EPB41L2: variants seen among roughly 807,000 people sequenced by gnomAD.
EPB41L2 encodes band 4.1-like protein 2.
Under a neutral mutation model 113.0 loss-of-function variants are expected in EPB41L2, and 43 were observed. That is an observed-to-expected ratio of 0.38 (90% CI 0.30 to 0.49). The LOEUF (loss-of-function observed/expected upper bound fraction) is 0.49. Among genes scored for constraint, EPB41L2 ranks in the 20% least tolerant of loss-of-function variants. The pLI is 0.95. For synonymous variants in EPB41L2, 442 were observed against 436.7 expected, an observed-to-expected ratio of 1.01 and a Z score of -0.15; for missense variants, 1,147 against 1,223.4, an observed-to-expected ratio of 0.94 and a Z score of 0.93.
chr6:130,902,566 C>A (rs766517662), intron 6 of EPB41L2, among the ~76,000 whole-genome samples: 13 of 152,102 alleles, frequency 8.5e-5, no homozygotes, highest in Non-Finnish European at 1.3e-4. Context: ...TTTCCTTGAC[C>A]CGTAGAAAAA....
At chr6:130,902,803 T>C (rs1277310922) in intron 6 of EPB41L2, among the ~76,000 whole-genome samples, 8 of 152,184 alleles carry the variant, frequency 5.3e-5, no homozygotes, top group Non-Finnish European at 1.0e-4. Flanking sequence ...TCCTAAAAAC[T>C]TCAAACAAAA....
rs74825705 is a variant in EPB41L2, at chr6:130,869,439, G to A, written c.2607+124C>T. The A allele has an allele frequency of 6.9e-4, 634 of 915,144 alleles. 12 individuals are homozygous for A. The East Asian group carries it at 0.017, about 24-fold the overall frequency. 56.7% of individuals were successfully genotyped at this position (915,144 alleles called of 1,614,324 possible). A position where few individuals can be genotyped will look rare whatever the true frequency, so the allele number is the denominator to read the frequency against. On this transcript the variant is annotated intron_variant, in intron 15 of 19. Transcript: ENST00000337057. ...CAGTGCTTCCCCCTTCCTCCCATGA[G>A]AGAGAAAAATCAGATTCTTGTTGAA...
intron 3 of EPB41L2, among the ~76,000 whole-genome samples, chr6:130,938,617 G>C (rs1809721537): frequency 6.6e-6 from 1 of 152,140 alleles, no homozygotes; most frequent in Non-Finnish European, 1.5e-5. Flanking sequence ...ACTACTGGTA[G>C]TGTGCCCACC....
At chr6:130,864,485 C>T (rs957687201) in intron 17 of EPB41L2, among the ~76,000 whole-genome samples, 3 of 152,188 alleles carry the variant, frequency 2.0e-5, no homozygotes, top group Non-Finnish European at 4.4e-5. Flanking sequence ...GGAACTGCCT[C>T]ACAGCGTTAT....
intron 1 of EPB41L2, among the ~76,000 whole-genome samples, chr6:131,019,210 A>G (rs1788917006): frequency 1.3e-5 from 2 of 152,174 alleles, no homozygotes; most frequent in Admixed American, 6.6e-5. Context: ...ATTTATCCAT[A>G]AAGATTTTAC....
intron 14 of EPB41L2, among the ~76,000 whole-genome samples, chr6:130,877,621 TA>T (rs1176126016): frequency 6.6e-6 from 1 of 152,194 alleles, no homozygotes; most frequent in Non-Finnish European, 1.5e-5. Flanking sequence ...ATATTATATA[TA>T]ATATTTTTCA....
chr6:130,996,832 T>G (rs570447316), intron 1 of EPB41L2, among the ~76,000 whole-genome samples: 2 of 152,318 alleles, frequency 1.3e-5, no homozygotes, highest in African/African-American at 4.8e-5. Context: ...TTTGCTTTAT[T>G]TGCATTTTTC....
At chr6:130,862,401 T>C (rs2128432190) in intron 18 of EPB41L2, among the ~76,000 whole-genome samples, 1 of 152,294 alleles carries the variant, frequency 6.6e-6, no homozygotes, top group East Asian at 1.9e-4. Context: ...AGGAATTCAA[T>C]GAGTGCTTAT....
chr6:130,907,384 A>G (rs887661480), intron 5 of EPB41L2, among the ~76,000 whole-genome samples: 1 of 152,208 alleles, frequency 6.6e-6, no homozygotes, highest in African/African-American at 2.4e-5. Flanking sequence ...TCCCTTTTCC[A>G]TCATGAAGCA....
chr6:130,939,496 G>A (rs188020750), intron 3 of EPB41L2, among the ~76,000 whole-genome samples: 2 of 151,988 alleles, frequency 1.3e-5, no homozygotes, highest in East Asian at 1.9e-4. Flanking sequence ...CTCGTGATCC[G>A]CCCACCTCGG....
chr6:130,869,973 C>A lies in EPB41L2; in HGVS notation c.2197G>T (p.Asp733Tyr). The change falls in exon 15 of 20, where the codon GAC (aspartate) becomes TAC (tyrosine). Residue 733 changes from aspartate (D) to tyrosine (Y), a missense_variant. By Grantham distance (160) the Asp-to-Tyr change is radical (BLOSUM62 -3). Transcript: ENST00000337057. Reference sequence around the variant, plus strand: ...CTCTCAGAAGACAGGGAGGTGGAGTCTTTTTGTGTCACAGGCTCCACCTTA... The same window carrying A: ...CTCTCAGAAGACAGGGAGGTGGAGTATTTTTGTGTCACAGGCTCCACCTTA... ...IRKVEPVTQK[D>Y]STSLSSESSS... 6.2e-7 allele frequency: 1 copy of A among 1,613,774 alleles called. No individual in the cohort carries two copies. The highest frequency in any genetic ancestry group is 1.1e-5 in the South Asian group (1 of 91,054).
chr6:130,867,790 G>A (rs1784279414), intron 15 of EPB41L2: 1 of 541,370 alleles, frequency 1.8e-6, no homozygotes, highest in Non-Finnish European at 3.3e-6. Flanking sequence ...ACATACATGT[G>A]CACATAGATA....
At chr6:131,043,375 T>C (rs1055758929) in intron 1 of EPB41L2, among the ~76,000 whole-genome samples, 1 of 152,062 alleles carries the variant, frequency 6.6e-6, no homozygotes, top group African/African-American at 2.4e-5. Context: ...ACTCTTTGAG[T>C]GGTTTTAAGA....
At chr6:130,935,477 G>A (rs1348011261) in intron 3 of EPB41L2, among the ~76,000 whole-genome samples, 1 of 152,054 alleles carries the variant, frequency 6.6e-6, no homozygotes, top group African/African-American at 2.4e-5. Flanking sequence ...AATCTCATAA[G>A]CAACTCGGTA....
chr6:131,000,047 A>G (rs1784027314), intron 1 of EPB41L2, among the ~76,000 whole-genome samples: 1 of 152,188 alleles, frequency 6.6e-6, no homozygotes, highest in African/African-American at 2.4e-5. Context: ...ACTTTTGCCA[A>G]ATATACTTTC....
At chr6:131,061,304 T>C (rs1798608746) in intron 1 of EPB41L2, among the ~76,000 whole-genome samples, 1 of 152,180 alleles carries the variant, frequency 6.6e-6, no homozygotes, top group Non-Finnish European at 1.5e-5. Flanking sequence ...AGGATTAAAT[T>C]AGCGCTAAAT....
intron 1 of EPB41L2, among the ~76,000 whole-genome samples, chr6:131,033,621 T>C (rs1035244959): frequency 1.3e-5 from 2 of 152,358 alleles, no homozygotes; most frequent in African/African-American, 4.8e-5. Context: ...AATAAAATTC[T>C]GACACATGCT....
chr6:130,961,262 A>G (rs541895021), intron 1 of EPB41L2, among the ~76,000 whole-genome samples: 1 of 152,334 alleles, frequency 6.6e-6, no homozygotes, highest in Non-Finnish European at 1.5e-5. Context: ...TTAGACAAGC[A>G]TGTGGTTTTG....
chr6:130,853,315 G>A (rs1779290972), intron 19 of EPB41L2, among the ~76,000 whole-genome samples: 6 of 152,124 alleles, frequency 3.9e-5, no homozygotes, highest in Admixed American at 3.9e-4. Flanking sequence ...AGTCTGGGTT[G>A]GGAGAGCTCC....
Sources: allele counts gnomAD v4.1 joint callset (sites outside exome capture counted in the v4.1 genomes callset), GRCh38; gene constraint gnomAD v4.1.1; transcripts MANE v1.5; gene names NCBI Gene and HGNC (gene_info 2026-07-23, HGNC 2026-07-21).